The following ATP8A2 variants were observed in gnomAD, a reference collection of about 807,000 sequenced individuals.
ATP8A2 encodes phospholipid-transporting ATPase IB.
A neutral mutation model predicts 165.6 loss-of-function variants in ATP8A2; 100 were observed. The observed-to-expected ratio is 0.60, with a 90% CI of 0.51 to 0.71. The LOEUF (loss-of-function observed/expected upper bound fraction) is 0.71, where lower values mean the gene tolerates loss of function less well. Ranked by LOEUF, ATP8A2 falls within the 30% of genes least tolerant of loss-of-function variation. The probability of loss-of-function intolerance (pLI) is 0.00; values close to 1 mark genes in which losing one functional copy is unlikely to be tolerated. For synonymous variants in ATP8A2, 543 were observed against 548.8 expected (o/e 0.99, Z 0.15); for missense variants, 1,227 against 1,479.5 (o/e 0.83, Z 2.80).
intron 23 of ATP8A2, among the ~76,000 whole-genome samples, chr13:25,583,669 G>A (rs2138255214): frequency 6.6e-6 from 1 of 152,262 alleles, no homozygotes. Flanking sequence ...ATAAACACAA[G>A]AGAAAGCAAA....
chr13:25,749,992 C>A (rs989503390), intron 25 of ATP8A2, among the ~76,000 whole-genome samples: 1 of 151,992 alleles, frequency 6.6e-6, no homozygotes, highest in Admixed American at 6.6e-5. Flanking sequence ...AAGACCACAT[C>A]TCTAAAAAAT....
chr13:25,682,005 C>G (rs949493629), intron 24 of ATP8A2, among the ~76,000 whole-genome samples: 1 of 152,144 alleles, frequency 6.6e-6, no homozygotes, highest in African/African-American at 2.4e-5. Flanking sequence ...CACTGCGGTC[C>G]TTGGCTGATG....
intron 33 of ATP8A2, among the ~76,000 whole-genome samples, chr13:25,912,689 AT>A (rs961266380): frequency 4.6e-5 from 7 of 152,034 alleles, no homozygotes; most frequent in East Asian, 1.9e-4. Context: ...TACAACCTAA[AT>A]TTTTTTTAAT....
chr13:25,607,146 G>A (rs61947469), intron 24 of ATP8A2, among the ~76,000 whole-genome samples: 5,965 of 152,202 alleles, frequency 0.039, 143 homozygotes, highest in Non-Finnish European at 0.053. Flanking sequence ...ACTAATGCCC[G>A]ATGATCTGAG....
intron 24 of ATP8A2, among the ~76,000 whole-genome samples, chr13:25,687,965 G>A (rs994098428): frequency 6.6e-5 from 10 of 152,170 alleles, no homozygotes; most frequent in African/African-American, 1.9e-4. Context: ...ACTCTGGGAT[G>A]AAGTCCAAGT....
At chr13:25,527,254 C>T (rs1384258676) in intron 2 of ATP8A2, among the ~76,000 whole-genome samples, 1 of 152,102 alleles carries the variant, frequency 6.6e-6, no homozygotes, top group African/African-American at 2.4e-5. Context: ...AACAAATTTA[C>T]CTCCTCAGGA....
intron 26 of ATP8A2, among the ~76,000 whole-genome samples, chr13:25,769,873 A>T (rs963317593): frequency 2.0e-5 from 3 of 152,210 alleles, no homozygotes. Context: ...CGAGCCTCGC[A>T]TGCCAGGGCT....
intron 28 of ATP8A2, among the ~76,000 whole-genome samples, chr13:25,836,008 A>AAG (rs1283317914): frequency 6.6e-6 from 1 of 152,174 alleles, no homozygotes; most frequent in Admixed American, 6.5e-5. Flanking sequence ...TATAGGCAGA[A>AAG]AGGGACTAAG....
intron 24 of ATP8A2, among the ~76,000 whole-genome samples, chr13:25,637,165 A>G (rs1279085732): frequency 6.6e-6 from 1 of 151,560 alleles, no homozygotes; most frequent in African/African-American, 2.4e-5. Context: ...GATTGAGTCT[A>G]TAGCTTCCAG....
At chr13:25,482,399 G>A (rs2036231804) in intron 2 of ATP8A2, among the ~76,000 whole-genome samples, 1 of 152,156 alleles carries the variant, frequency 6.6e-6, no homozygotes, top group Non-Finnish European at 1.5e-5. Flanking sequence ...GGGTGGGAAA[G>A]TAGAAGGACG....
intron 24 of ATP8A2, among the ~76,000 whole-genome samples, chr13:25,595,666 T>G (rs548835091): frequency 8.5e-5 from 13 of 152,288 alleles, no homozygotes; most frequent in Non-Finnish European, 1.8e-4. Context: ...TCTGGAATGT[T>G]TTTCTGAGAA....
intron 24 of ATP8A2, among the ~76,000 whole-genome samples, chr13:25,661,231 A>G (rs1253135636): frequency 6.6e-6 from 1 of 152,180 alleles, no homozygotes; most frequent in African/African-American, 2.4e-5. Context: ...GACCACAGGA[A>G]CCATCTGTTC....
At chr13:25,884,739 A>T (rs764440646) in intron 33 of ATP8A2, among the ~76,000 whole-genome samples, 4 of 152,178 alleles carry the variant, frequency 2.6e-5, no homozygotes, top group Admixed American at 6.5e-5. Flanking sequence ...ATTCGTGAGA[A>T]TGGGGCCCAA....
chr13:25,625,956 G>C (rs773318742), intron 24 of ATP8A2, among the ~76,000 whole-genome samples: 3 of 152,114 alleles, frequency 2.0e-5, no homozygotes, highest in Admixed American at 1.3e-4. Context: ...AAGTTTGTTT[G>C]TTTGTTTTTT....
intron 27 of ATP8A2, among the ~76,000 whole-genome samples, chr13:25,812,958 C>T (rs1175378186): frequency 2.0e-5 from 3 of 152,018 alleles, no homozygotes; most frequent in Non-Finnish European, 2.9e-5. Flanking sequence ...AAGCCATTAC[C>T]CTCAGCAAAC....
chr13:25,508,925 C>A (rs1465225401), intron 2 of ATP8A2, among the ~76,000 whole-genome samples: 2 of 152,186 alleles, frequency 1.3e-5, no homozygotes, highest in African/African-American at 2.4e-5. Context: ...TCTCATCCTT[C>A]TTCTGTTAGG....
intron 33 of ATP8A2, among the ~76,000 whole-genome samples, chr13:25,893,699 C>A (rs1289089071): frequency 6.6e-6 from 1 of 152,194 alleles, no homozygotes; most frequent in Non-Finnish European, 1.5e-5. Context: ...TCTCCACATC[C>A]TCTCCAGCAC....
At chr13:25,757,765 T>G (rs540977306) in intron 25 of ATP8A2, among the ~76,000 whole-genome samples, 42 of 152,220 alleles carry the variant, frequency 2.8e-4, no homozygotes, top group African/African-American at 1.0e-3. Context: ...CCCAAACCCC[T>G]CATTTCTCAA....
intron 25 of ATP8A2, among the ~76,000 whole-genome samples, chr13:25,709,809 A>G (rs145147837): frequency 2.0e-5 from 3 of 152,388 alleles, no homozygotes; most frequent in African/African-American, 7.2e-5. Context: ...CTATGCCAAT[A>G]TAAACCTAGT....
Sources: allele counts gnomAD v4.1 joint callset (sites outside exome capture counted in the v4.1 genomes callset), GRCh38; gene constraint gnomAD v4.1.1; transcripts MANE v1.5; gene names NCBI Gene and HGNC (gene_info 2026-07-23, HGNC 2026-07-21).